The following PCDH9 variants were observed in gnomAD, a reference collection of about 807,000 sequenced individuals.
The protein encoded by PCDH9 is protocadherin 9.
Under a neutral mutation model 70.6 loss-of-function variants are expected in PCDH9, and 24 were observed. The ratio of observed to expected loss-of-function variants is 0.34; its 90% CI spans 0.25 to 0.48. The LOEUF is 0.48. PCDH9 is among the 20% of genes least tolerant of loss of function. PCDH9 has a pLI of 0.99. For synonymous variants in PCDH9, 562 were observed against 558.5 expected (o/e 1.01, Z -0.09); for missense variants, 1,281 against 1,503.6 (o/e 0.85, Z 2.45).
intron 2 of PCDH9, among the ~76,000 whole-genome samples, chr13:67,200,133 T>A (rs1161421049): frequency 6.6e-6 from 1 of 152,114 alleles, no homozygotes; most frequent in African/African-American, 2.4e-5. Context: ...GGGACACTTT[T>A]TAAATGAAAC....
intron 2 of PCDH9, among the ~76,000 whole-genome samples, chr13:66,910,881 A>C (rs1019361405): frequency 2.6e-5 from 4 of 152,166 alleles, no homozygotes; most frequent in African/African-American, 9.7e-5. Context: ...TGCATTGTCC[A>C]TTTCCTGAGA....
intron 4 of PCDH9, among the ~76,000 whole-genome samples, chr13:66,368,344 T>A (rs1352798396): frequency 6.6e-6 from 1 of 152,022 alleles, no homozygotes; most frequent in Non-Finnish European, 1.5e-5. Flanking sequence ...GTTGAATATA[T>A]TATTAATGCA....
At chr13:66,737,809 A>T (rs2079178442) in intron 3 of PCDH9, among the ~76,000 whole-genome samples, 1 of 152,132 alleles carries the variant, frequency 6.6e-6, no homozygotes, top group Non-Finnish European at 1.5e-5. Context: ...ATGGCGCACC[A>T]CGAGACTATA....
Position 66,700,315 on chromosome 13 carries a change from C to T in PCDH9, c.3139-68904G>A, listed in dbSNP as rs558006842. On this transcript the variant is annotated intron_variant, in intron 3 of 4. Transcript: ENST00000377865. ...ATTGTTAACATAATGAGACAGAAGC[C>T]GACAAGAGGTCCTGCAGAAAAAAAC... is the stretch of plus-strand genomic sequence containing the variant. 9.2e-5 allele frequency among the ~76,000 whole-genome samples: 14 copies of T among 152,194 alleles called. No homozygotes were observed. In the South Asian group the frequency reaches 1.0e-3, roughly 11 times the overall value.
At chr13:66,557,817 T>C (rs1270983684) in intron 4 of PCDH9, among the ~76,000 whole-genome samples, 1 of 152,138 alleles carries the variant, frequency 6.6e-6, no homozygotes, top group African/African-American at 2.4e-5. Flanking sequence ...TAGGATTGTA[T>C]GCAAAGGTTA....
At chr13:66,336,778 T>C (rs1306106527) in intron 4 of PCDH9, among the ~76,000 whole-genome samples, 1 of 152,038 alleles carries the variant, frequency 6.6e-6, no homozygotes, top group African/African-American at 2.4e-5. Context: ...GAAGTCAGCA[T>C]AGAAACTATT....
At chr13:66,420,667 C>G (rs1957550527) in intron 4 of PCDH9, among the ~76,000 whole-genome samples, 1 of 152,092 alleles carries the variant, frequency 6.6e-6, no homozygotes, top group Non-Finnish European at 1.5e-5. Flanking sequence ...TGAGGCAAAC[C>G]TCCATCCGAA....
intron 3 of PCDH9, among the ~76,000 whole-genome samples, chr13:66,678,163 C>T (rs1022426725): frequency 2.6e-5 from 4 of 152,056 alleles, no homozygotes; most frequent in South Asian, 2.1e-4. Flanking sequence ...TTCCTTCCAC[C>T]TATTCCTGAT....
At chr13:66,428,107 G>A (rs1957706419) in intron 4 of PCDH9, among the ~76,000 whole-genome samples, 1 of 151,674 alleles carries the variant, frequency 6.6e-6, no homozygotes, top group East Asian at 1.9e-4. Flanking sequence ...TGTATATTAT[G>A]TTCTGCAGTA....
chr13:66,778,229 A>G (rs2079932177), intron 3 of PCDH9, among the ~76,000 whole-genome samples: 1 of 152,016 alleles, frequency 6.6e-6, no homozygotes, highest in Non-Finnish European at 1.5e-5. Flanking sequence ...ACATGTATAC[A>G]TATGTAACTA....
intron 2 of PCDH9, among the ~76,000 whole-genome samples, chr13:67,193,124 GTTTGGAACCCA>G (rs1344609935): frequency 6.6e-6 from 1 of 152,070 alleles, no homozygotes; most frequent in Admixed American, 6.6e-5. Context: ...AATCACATTG[GTTTGGAACCCA>G]ATAAATATCC....
intron 2 of PCDH9, among the ~76,000 whole-genome samples, chr13:66,999,433 T>G (rs1400342009): frequency 4.6e-5 from 7 of 152,176 alleles, no homozygotes. Context: ...ATATAATTAG[T>G]TTTTATACCA....
At chr13:66,749,034 T>C (rs2079416456) in intron 3 of PCDH9, among the ~76,000 whole-genome samples, 1 of 152,210 alleles carries the variant, frequency 6.6e-6, no homozygotes, top group African/African-American at 2.4e-5. Context: ...CCTGCCATTA[T>C]GTGAAGAAGG....
At position 66,663,826 on chromosome 13, in the gene PCDH9, G is replaced by A. The variant is rs1462663844; in HGVS notation, c.3139-32415C>T. On this transcript the variant is annotated intron_variant, in intron 3 of 4. Transcript: ENST00000377865. ...TGAAGGTTCCATGGAATCCTTTGCAGATAGAGCCTGATCTAAAATGAGGCA... is the reference window on the plus strand; with the variant it reads ...TGAAGGTTCCATGGAATCCTTTGCAAATAGAGCCTGATCTAAAATGAGGCA... Among the ~76,000 whole-genome samples the A allele has an allele frequency of 2.0e-5, 3 of 152,166 alleles. No individual in the cohort carries two copies. The South Asian group carries it at 6.2e-4, about 32-fold the overall frequency.
intron 2 of PCDH9, among the ~76,000 whole-genome samples, chr13:67,151,193 TA>T (rs75823309): frequency 6.6e-6 from 1 of 152,042 alleles, no homozygotes; most frequent in South Asian, 2.1e-4. Flanking sequence ...GCTCCTTTTT[TA>T]AAAAAAAATC....
rs34150352 is a variant in PCDH9, at chr13:66,522,036, C to CATAT, written c.3340+109170_3340+109173dup. ...AAAAAAGTATGTGTGTGTATATATA[C>CATAT]ATATATATATATATATAGTTTTATA... On this transcript the variant is annotated intron_variant, in intron 4 of 4. Coordinates refer to ENST00000377865, the MANE Select transcript of PCDH9 (RefSeq NM_203487.3). 7.0e-3 allele frequency among the ~76,000 whole-genome samples: 1,013 copies of CATAT among 145,174 alleles called. 10 individuals are homozygous for CATAT. The highest frequency in any genetic ancestry group is 0.011 in the Middle Eastern group (3 of 280).
intron 4 of PCDH9, among the ~76,000 whole-genome samples, chr13:66,480,875 G>C (rs910088436): frequency 2.0e-5 from 3 of 152,146 alleles, no homozygotes; most frequent in African/African-American, 7.2e-5. Context: ...GTTTATTACA[G>C]TACTGTTCAC....
chr13:66,481,242 G>A (rs1456949537), intron 4 of PCDH9, among the ~76,000 whole-genome samples: 3 of 106,368 alleles, frequency 2.8e-5, no homozygotes, highest in Admixed American at 1.2e-4. Flanking sequence ...ACCATTGCAC[G>A]TGTTTACCTA....
At chr13:66,870,957 T>C (rs2081667331) in intron 3 of PCDH9, among the ~76,000 whole-genome samples, 1 of 152,190 alleles carries the variant, frequency 6.6e-6, no homozygotes, top group African/African-American at 2.4e-5. Flanking sequence ...ACTGCGGCAC[T>C]ATTCACAATA....
Sources: gnomAD v4.1 joint callset for allele counts (sites outside exome capture counted in the v4.1 genomes callset) on GRCh38, gnomAD v4.1.1 for gene constraint, MANE v1.5 for transcripts, NCBI Gene and HGNC (gene_info 2026-07-23, HGNC 2026-07-21) for gene names.